The following TUSC3 variants were observed in gnomAD, a reference collection of about 807,000 sequenced individuals.
TUSC3 encodes the protein dolichyl-diphosphooligosaccharide--protein glycosyltransferase subunit TUSC3.
In TUSC3, 45 loss-of-function variants were observed where a neutral mutation model predicts 44.8. The ratio of observed to expected loss-of-function variants is 1.00; its 90% CI spans 0.79 to 1.29. The LOEUF is 1.29. Ranked by LOEUF, TUSC3 falls within the 50% of genes most tolerant of loss-of-function variation. TUSC3 has a pLI of 0.00. For synonymous variants in TUSC3, 212 were observed against 152.9 expected (o/e 1.39, Z -2.85); for missense variants, 519 against 437.9 (o/e 1.19, Z -1.65).
chr8:15,814,568 T>A, the TUSC3 span, among the ~76,000 whole-genome samples: 1 of 152,226 alleles, frequency 6.6e-6, no homozygotes, highest in Non-Finnish European at 1.5e-5. Flanking sequence ...TTGCTTAAGT[T>A]CACAAATGTC....
intron 1 of TUSC3, among the ~76,000 whole-genome samples, chr8:15,583,030 C>T (rs998224103): frequency 6.6e-6 from 1 of 152,046 alleles, no homozygotes; most frequent in Non-Finnish European, 1.5e-5. Context: ...TGTAAAGATA[C>T]ATGTAGCTAG....
chr8:15,558,727 A>G (rs1300890629), intron 1 of TUSC3, among the ~76,000 whole-genome samples: 2 of 119,596 alleles, frequency 1.7e-5, no homozygotes, highest in Non-Finnish European at 3.6e-5. Context: ...TTCCTGGTTT[A>G]GTCTTGGGAG....
chr8:15,454,600 G>A (rs1416824078), intron 1 of TUSC3, among the ~76,000 whole-genome samples: 2 of 152,154 alleles, frequency 1.3e-5, no homozygotes, highest in Non-Finnish European at 2.9e-5. Flanking sequence ...TCTCTGGCTA[G>A]CTGCTGCTCA....
At chr8:15,447,898 A>G (rs1038516557) in intron 1 of TUSC3, among the ~76,000 whole-genome samples, 1 of 151,552 alleles carries the variant, frequency 6.6e-6, no homozygotes, top group Admixed American at 6.6e-5. Context: ...AAAAAAATTA[A>G]AGGATATAAA....
intron 7 of TUSC3, among the ~76,000 whole-genome samples, chr8:15,742,965 A>G (rs931561516): frequency 3.3e-5 from 5 of 152,232 alleles, no homozygotes; most frequent in Non-Finnish European, 7.3e-5. Context: ...TTCTTAAGGT[A>G]TCAGTTAGCT....
the TUSC3 span, among the ~76,000 whole-genome samples, chr8:15,807,465 T>C: frequency 6.6e-6 from 1 of 152,108 alleles, no homozygotes; most frequent in Non-Finnish European, 1.5e-5. Flanking sequence ...AAGCTTTTAA[T>C]GTCTCAAAGA....
At chr8:15,444,766 GA>G (rs56249574) in intron 1 of TUSC3, among the ~76,000 whole-genome samples, 79,078 of 151,494 alleles carry the variant, frequency 0.52, 23,919 homozygotes, top group East Asian at 0.69. Context: ...TATATGTATA[GA>G]AAAAAAAATA....
At chr8:15,469,414 C>G (rs1489752556) in intron 1 of TUSC3, among the ~76,000 whole-genome samples, 2 of 152,138 alleles carry the variant, frequency 1.3e-5, no homozygotes, top group African/African-American at 4.8e-5. Context: ...GGTTCTATAT[C>G]ACATGTCATC....
chr8:15,642,509 G>A (rs958661283), intron 2 of TUSC3, among the ~76,000 whole-genome samples: 1 of 152,012 alleles, frequency 6.6e-6, no homozygotes, highest in Non-Finnish European at 1.5e-5. Context: ...TCCATCTCTT[G>A]GGACACAGTT....
chr8:15,472,994 T>C (rs936361189), intron 1 of TUSC3, among the ~76,000 whole-genome samples: 1 of 152,136 alleles, frequency 6.6e-6, no homozygotes, highest in Non-Finnish European at 1.5e-5. Context: ...AACCAGCAAA[T>C]TATAGAAGTA....
chr8:15,509,371 G>A (rs748165600), intron 2 of TUSC3, among the ~76,000 whole-genome samples: 10 of 152,158 alleles, frequency 6.6e-5, no homozygotes, highest in African/African-American at 9.7e-5. Flanking sequence ...CGCTTTGGGA[G>A]GCCAAGGCAG....
chr8:15,672,803 G>T (rs143383177), intron 5 of TUSC3, among the ~76,000 whole-genome samples: 56 of 151,956 alleles, frequency 3.7e-4, no homozygotes, highest in African/African-American at 1.3e-3. Context: ...TTAAAAAATT[G>T]TGCAAACTAG....
chr8:15,742,582 G>C (rs1437732784), intron 7 of TUSC3, among the ~76,000 whole-genome samples: 1 of 152,158 alleles, frequency 6.6e-6, no homozygotes, highest in Non-Finnish European at 1.5e-5. Context: ...ACTGTCCTTT[G>C]AGCTTTTGTT....
At chr8:15,480,367 A>G (rs954844545) in intron 1 of TUSC3, among the ~76,000 whole-genome samples, 4 of 152,210 alleles carry the variant, frequency 2.6e-5, no homozygotes, top group Admixed American at 2.6e-4. Context: ...CATTTTCATG[A>G]ACATATGCTA....
At chr8:15,851,619 T>G in the TUSC3 span, among the ~76,000 whole-genome samples, 2 of 152,172 alleles carry the variant, frequency 1.3e-5, no homozygotes, top group Admixed American at 1.3e-4. Flanking sequence ...TTGCTCTGAC[T>G]TCAACTCCTG....
the TUSC3 span, among the ~76,000 whole-genome samples, chr8:15,799,779 T>C: frequency 6.6e-6 from 1 of 152,210 alleles, no homozygotes; most frequent in Non-Finnish European, 1.5e-5. Flanking sequence ...AATCTTACTC[T>C]AGTTGCAAGC....
intron 2 of TUSC3, among the ~76,000 whole-genome samples, chr8:15,631,452 A>G (rs1292451075): frequency 6.6e-6 from 1 of 152,062 alleles, no homozygotes; most frequent in East Asian, 1.9e-4. Flanking sequence ...TTTAATTTCA[A>G]GCTTACAGAA....
chr8:15,627,758 G>A (rs1046462668), intron 2 of TUSC3, among the ~76,000 whole-genome samples: 5 of 152,234 alleles, frequency 3.3e-5, no homozygotes, highest in Admixed American at 6.5e-5. Context: ...GGAGCTGCAC[G>A]CCCTGCTCTA....
At chr8:15,639,455 A>G (rs1318573440) in intron 2 of TUSC3, among the ~76,000 whole-genome samples, 2 of 152,252 alleles carry the variant, frequency 1.3e-5, no homozygotes, top group East Asian at 3.8e-4. Context: ...AGTAAAGATC[A>G]TACAAAACGG....
Sources: gnomAD v4.1 joint callset for allele counts (sites outside exome capture counted in the v4.1 genomes callset) on GRCh38, gnomAD v4.1.1 for gene constraint, MANE v1.5 for transcripts, NCBI Gene and HGNC (gene_info 2026-07-23, HGNC 2026-07-21) for gene names.